The following CTNNA3 variants were observed in gnomAD, a reference collection of about 807,000 sequenced individuals.
CTNNA3 encodes catenin alpha-3.
In CTNNA3, 76 loss-of-function variants were observed where a neutral mutation model predicts 95.7. That is an observed-to-expected ratio of 0.79 (90% CI 0.66 to 0.96). The LOEUF (loss-of-function observed/expected upper bound fraction) is 0.96. CTNNA3 is among the 40% of genes least tolerant of loss of function. The pLI, the probability that CTNNA3 is intolerant of heterozygous loss-of-function variation, is 0.00. For synonymous variants in CTNNA3, 431 were observed against 374.4 expected, an observed-to-expected ratio of 1.15 and a Z score of -1.74; for missense variants, 1,191 against 1,089.8, an observed-to-expected ratio of 1.09 and a Z score of -1.31.
intron 7 of CTNNA3, among the ~76,000 whole-genome samples, chr10:66,979,357 G>A (rs1042971554): frequency 2.6e-5 from 4 of 152,084 alleles, no homozygotes; most frequent in African/African-American, 9.7e-5. Flanking sequence ...ATTCAATTGA[G>A]TTTTAATTTG....
At chr10:66,157,605 T>C (rs1386855440) in intron 13 of CTNNA3, among the ~76,000 whole-genome samples, 1 of 152,046 alleles carries the variant, frequency 6.6e-6, no homozygotes, top group Non-Finnish European at 1.5e-5. Context: ...AATTTTGAAG[T>C]TGTGAATTGT....
At chr10:66,247,571 A>G (rs983078775) in intron 13 of CTNNA3, among the ~76,000 whole-genome samples, 7 of 152,346 alleles carry the variant, frequency 4.6e-5, no homozygotes, top group African/African-American at 1.7e-4. Flanking sequence ...AAGGTTGAAA[A>G]TAAAAAAAGG....
intron 9 of CTNNA3, among the ~76,000 whole-genome samples, chr10:66,718,511 G>A (rs1013964190): frequency 1.3e-5 from 2 of 151,774 alleles, no homozygotes; most frequent in Non-Finnish European, 2.9e-5. Flanking sequence ...TTCTTAAATT[G>A]TCCAAAAAAT....
At chr10:67,081,598 G>A (rs114557312) in intron 7 of CTNNA3, among the ~76,000 whole-genome samples, 2,615 of 152,106 alleles carry the variant, frequency 0.017, 76 homozygotes, top group African/African-American at 0.06. Flanking sequence ...ATCATCTCTC[G>A]CCTACCATTT....
intron 7 of CTNNA3, among the ~76,000 whole-genome samples, chr10:66,930,210 C>G (rs990801118): frequency 6.6e-6 from 1 of 152,082 alleles, no homozygotes; most frequent in Non-Finnish European, 1.5e-5. Context: ...TCTCAAGGTA[C>G]TTTGATATTG....
intron 7 of CTNNA3, among the ~76,000 whole-genome samples, chr10:66,812,485 G>A (rs12572843): frequency 6.6e-6 from 1 of 152,088 alleles, no homozygotes; most frequent in Admixed American, 6.6e-5. Context: ...AACTGGCTTA[G>A]GCTGTATAAG....
At chr10:67,243,065 C>T (rs1425266588) in intron 5 of CTNNA3, among the ~76,000 whole-genome samples, 1 of 152,120 alleles carries the variant, frequency 6.6e-6, no homozygotes, top group Non-Finnish European at 1.5e-5. Context: ...ATGACAGCAA[C>T]CTAAATTTAA....
chr10:67,048,855 C>T (rs1402614642), intron 7 of CTNNA3, among the ~76,000 whole-genome samples: 1 of 152,076 alleles, frequency 6.6e-6, no homozygotes, highest in Non-Finnish European at 1.5e-5. Context: ...ATCACATGTT[C>T]TAAAGCTGTT....
In CTNNA3 at chr10:66,943,335, A is replaced by AT. The variant is rs150723820; in HGVS notation, c.1048-167812dup. Among the ~76,000 whole-genome samples, 754 of 151,448 alleles carry AT rather than the reference A, an allele frequency of 5.0e-3. 2 individuals carry two copies. Among genetic ancestry groups the AT allele is most frequent in the African/African-American group, 0.011 (451 of 41,134 alleles). ...ACTTTGAAGTGTTAAATCTTATTAG[A>AT]TTTTTTTTTACACTTTAACACATCT... On this transcript the variant is annotated intron_variant, in intron 7 of 17. Transcript: ENST00000433211.
At chr10:66,695,581 C>T (rs1847727083) in intron 9 of CTNNA3, among the ~76,000 whole-genome samples, 1 of 152,288 alleles carries the variant, frequency 6.6e-6, no homozygotes. Context: ...CTTCTCCCAG[C>T]AGCCTAGTAG....
intron 13 of CTNNA3, among the ~76,000 whole-genome samples, chr10:66,227,677 C>T (rs2089380905): frequency 1.3e-5 from 2 of 152,082 alleles, no homozygotes; most frequent in African/African-American, 4.8e-5. Context: ...CAGGGTAATG[C>T]TTCCCTTATA....
intron 11 of CTNNA3, among the ~76,000 whole-genome samples, chr10:66,411,407 C>T (rs2093104425): frequency 6.6e-6 from 1 of 151,732 alleles, no homozygotes. Flanking sequence ...TAAACACTAT[C>T]AGGAGATAAC....
At chr10:67,204,555 G>A (rs552613289) in intron 6 of CTNNA3, among the ~76,000 whole-genome samples, 9 of 152,248 alleles carry the variant, frequency 5.9e-5, no homozygotes, top group Admixed American at 5.9e-4. Context: ...GGTATTCATA[G>A]CAGTGCAAGA....
chr10:65,915,256 T>C lies in CTNNA3; in HGVS notation c.*5074A>G, dbSNP rs1274792478. 1 of 152,130 alleles carries C rather than the reference T, an allele frequency of 6.6e-6. No individual in the cohort carries two copies. The highest frequency in any genetic ancestry group is 1.5e-5 in the Non-Finnish European group (1 of 68,004). 9.4% of individuals were successfully genotyped at this position (152,130 alleles called of 1,614,324 possible). On this transcript the variant is annotated 3_prime_UTR_variant, in exon 18 of 18. Transcript: ENST00000433211. The stretch of plus-strand genomic sequence containing the variant: ...TTTCTCAACTTGCAAACAATATTAC[T>C]AAATCATGCTCAAAATATGTGTAGT...
intron 5 of CTNNA3, among the ~76,000 whole-genome samples, chr10:67,243,276 C>T (rs1342987847): frequency 2.0e-5 from 3 of 152,078 alleles, no homozygotes; most frequent in Admixed American, 6.6e-5. Flanking sequence ...ACCCCCCCAA[C>T]CCCCACCATT....
intron 12 of CTNNA3, among the ~76,000 whole-genome samples, chr10:66,312,760 T>C (rs985608352): frequency 2.6e-5 from 4 of 152,120 alleles, no homozygotes; most frequent in African/African-American, 9.7e-5. Context: ...TTGGCCAGGA[T>C]GATCTCAATC....
At chr10:66,219,018 T>C (rs1052540558) in intron 13 of CTNNA3, among the ~76,000 whole-genome samples, 22 of 152,210 alleles carry the variant, frequency 1.4e-4, no homozygotes, top group African/African-American at 5.3e-4. Context: ...GTTATTCATA[T>C]GCTTGTCCCA....
intron 1 of CTNNA3, among the ~76,000 whole-genome samples, chr10:67,684,003 T>A (rs1011904236): frequency 1.3e-5 from 2 of 152,176 alleles, no homozygotes; most frequent in Non-Finnish European, 2.9e-5. Context: ...CAAAATTTAT[T>A]GTGAAGAGCA....
intron 10 of CTNNA3, among the ~76,000 whole-genome samples, chr10:66,609,231 T>C (rs1844241883): frequency 6.6e-6 from 1 of 151,120 alleles, no homozygotes; most frequent in South Asian, 2.1e-4. Flanking sequence ...GGCTAAATTT[T>C]TTTTGTATTT....
Sources: allele counts gnomAD v4.1 joint callset (sites outside exome capture counted in the v4.1 genomes callset), GRCh38; gene constraint gnomAD v4.1.1; transcripts MANE v1.5; gene names NCBI Gene and HGNC (gene_info 2026-07-23, HGNC 2026-07-21).